The following KIAA0825 variants were observed in gnomAD, a reference collection of about 807,000 sequenced individuals.
KIAA0825 encodes KIAA0825.
Under a neutral mutation model 147.6 loss-of-function variants are expected in KIAA0825, and 119 were observed. That is an observed-to-expected ratio of 0.81 (90% CI 0.69 to 0.94). The LOEUF is 0.94. Among genes scored for constraint, KIAA0825 ranks in the 40% least tolerant of loss-of-function variants. The pLI, the probability that KIAA0825 is intolerant of heterozygous loss-of-function variation, is 0.00. For missense variants in KIAA0825, 1,381 were observed against 1,472.7 expected (o/e 0.94, Z 1.02); for synonymous variants, 470 against 518.1 (o/e 0.91, Z 1.26).
At chr5:94,417,439 A>G (rs1335441792) in intron 14 of KIAA0825, 74 bp from the exon 15 acceptor site, 1 of 1,184,600 alleles carries the variant, frequency 8.4e-7, no homozygotes. Flanking sequence ...AACTCTTACT[A>G]TGTACACTAG....
intron 20 of KIAA0825, among the ~76,000 whole-genome samples, chr5:94,355,354 A>T (rs542155474): frequency 6.6e-6 from 1 of 152,324 alleles, no homozygotes; most frequent in African/African-American, 2.4e-5. Context: ...GCTTTGCAGG[A>T]CCTTTTCAAA....
chr5:94,225,687 C>G (rs1429405233), intron 20 of KIAA0825, among the ~76,000 whole-genome samples: 1 of 152,196 alleles, frequency 6.6e-6, no homozygotes, highest in Non-Finnish European at 1.5e-5. Flanking sequence ...TGATCTTGGA[C>G]TTGCCAGCCT....
chr5:94,575,377 T>C (rs532953224), intron 2 of KIAA0825, among the ~76,000 whole-genome samples: 7 of 148,706 alleles, frequency 4.7e-5, no homozygotes, highest in South Asian at 4.2e-4. Flanking sequence ...AAAAAAAAGA[T>C]AGATCTGAAA....
intron 20 of KIAA0825, among the ~76,000 whole-genome samples, chr5:94,189,924 A>C (rs1770505387): frequency 1.3e-5 from 2 of 152,048 alleles, no homozygotes; most frequent in Admixed American, 1.3e-4. Flanking sequence ...CCATTTATTT[A>C]CTTATTTTAC....
At chr5:94,410,348 G>A (rs1009600779) in intron 15 of KIAA0825, among the ~76,000 whole-genome samples, 5 of 152,230 alleles carry the variant, frequency 3.3e-5, no homozygotes, top group Middle Eastern at 3.4e-3. Flanking sequence ...ATGCCAAGAG[G>A]TGTAATATAC....
chr5:94,508,553 G>A (rs1451694404), intron 5 of KIAA0825, among the ~76,000 whole-genome samples: 1 of 152,128 alleles, frequency 6.6e-6, no homozygotes, highest in Non-Finnish European at 1.5e-5. Context: ...GGGGAAGTAA[G>A]GAAATCCCTT....
At chr5:94,349,724 C>T (rs952094845) in intron 20 of KIAA0825, among the ~76,000 whole-genome samples, 1 of 152,180 alleles carries the variant, frequency 6.6e-6, no homozygotes, top group Admixed American at 6.5e-5. Flanking sequence ...TTTTAAAATT[C>T]TTCGAACTGA....
At chr5:94,467,459 A>G (rs773237281) in intron 10 of KIAA0825, among the ~76,000 whole-genome samples, 12 of 152,204 alleles carry the variant, frequency 7.9e-5, no homozygotes, top group Non-Finnish European at 1.6e-4. Flanking sequence ...ACAATTCTTT[A>G]TTCTTTGACT....
intron 12 of KIAA0825, among the ~76,000 whole-genome samples, chr5:94,461,549 T>C (rs1759835077): frequency 6.6e-6 from 1 of 151,976 alleles, no homozygotes; most frequent in Admixed American, 6.6e-5. Context: ...AGGAACATTC[T>C]GTAAACAATG....
chr5:94,230,796 C>T (rs906816635), intron 20 of KIAA0825, among the ~76,000 whole-genome samples: 2 of 152,130 alleles, frequency 1.3e-5, no homozygotes, highest in African/African-American at 4.8e-5. Context: ...GAAGCATGGA[C>T]AGAGCTAGGT....
intron 2 of KIAA0825, among the ~76,000 whole-genome samples, chr5:94,564,423 G>A (rs1033289970): frequency 1.6e-5 from 2 of 128,190 alleles, no homozygotes; most frequent in African/African-American, 3.2e-5. Context: ...ATGAGGTATC[G>A]ACTACCGGCA....
intron 20 of KIAA0825, among the ~76,000 whole-genome samples, chr5:94,307,658 T>C (rs1046207180): frequency 6.6e-6 from 1 of 151,752 alleles, no homozygotes; most frequent in Admixed American, 6.6e-5. Flanking sequence ...CCCATCTAGA[T>C]GAAGTTTCTT....
chr5:94,514,532 T>C (rs1055438972), intron 5 of KIAA0825, among the ~76,000 whole-genome samples: 2 of 152,324 alleles, frequency 1.3e-5, no homozygotes, highest in South Asian at 4.1e-4. Context: ...TTACAAATGA[T>C]TTCATTCAGC....
chr5:94,376,856 T>C (rs1439292776), intron 20 of KIAA0825, among the ~76,000 whole-genome samples: 1 of 152,170 alleles, frequency 6.6e-6, no homozygotes, highest in Non-Finnish European at 1.5e-5. Flanking sequence ...AATCAGCTTC[T>C]CCTTTTTCTT....
chr5:94,323,465 A>C (rs1053267168), intron 20 of KIAA0825, among the ~76,000 whole-genome samples: 3 of 151,606 alleles, frequency 2.0e-5, no homozygotes, highest in Non-Finnish European at 4.4e-5. Context: ...CTACTTACTG[A>C]GAAACAAAAA....
At chr5:94,354,747 T>C (rs1584231010) in intron 20 of KIAA0825, among the ~76,000 whole-genome samples, 1 of 152,322 alleles carries the variant, frequency 6.6e-6, no homozygotes, top group South Asian at 2.1e-4. Flanking sequence ...ATTGAGGCCA[T>C]GGAAGAATTT....
intron 5 of KIAA0825, among the ~76,000 whole-genome samples, chr5:94,508,831 T>C (rs552126521): frequency 3.4e-4 from 52 of 152,322 alleles, no homozygotes; most frequent in African/African-American, 1.2e-3. Flanking sequence ...GGCCTGGTGC[T>C]ACCACACACA....
rs188068961 is a variant in KIAA0825, at chr5:94,305,732, A to C, written c.3710+78636T>G. The stretch of plus-strand genomic sequence containing the variant: ...ATAAAACCCAAGAAAGGGTTTTGAC[A>C]TGCCAAACTCAATTAAAATTTGTTT... On this transcript the variant is annotated intron_variant, in intron 20 of 20. Coordinates refer to ENST00000682413, the MANE Select transcript of KIAA0825 (RefSeq NM_001145678.3). Among the ~76,000 whole-genome samples the C allele has an allele frequency of 9.6e-4, 146 of 152,098 alleles. 2 individuals carry two copies. In the East Asian group the frequency reaches 0.021, roughly 22 times the overall value.
At chr5:94,440,755 C>T (rs1438524164) in intron 13 of KIAA0825, among the ~76,000 whole-genome samples, 1 of 151,920 alleles carries the variant, frequency 6.6e-6, no homozygotes, top group East Asian at 1.9e-4. Flanking sequence ...CAGTGTTGAA[C>T]AGAAAATAGA....
Sources: allele counts gnomAD v4.1 joint callset (sites outside exome capture counted in the v4.1 genomes callset), GRCh38; gene constraint gnomAD v4.1.1; transcripts MANE v1.5; gene names NCBI Gene and HGNC (gene_info 2026-07-23, HGNC 2026-07-21).